Variants in MARCHF11 observed in about 807,000 individuals in gnomAD.
MARCHF11 encodes the protein E3 ubiquitin-protein ligase MARCHF11.
Under a neutral mutation model 37.3 loss-of-function variants are expected in MARCHF11, and 29 were observed. The observed-to-expected ratio is 0.78, with a 90% CI of 0.58 to 1.06. MARCHF11 has a LOEUF of 1.06. MARCHF11 is among the 50% of genes least tolerant of loss of function. The pLI is 0.00. For missense variants in MARCHF11, 482 were observed against 533.4 expected, an observed-to-expected ratio of 0.90 and a Z score of 0.95; for synonymous variants, 233 against 228.0, an observed-to-expected ratio of 1.02 and a Z score of -0.20.
At chr5:16,099,250 A>G (rs1282786993) in intron 2 of MARCHF11, among the ~76,000 whole-genome samples, 2 of 152,210 alleles carry the variant, frequency 1.3e-5, no homozygotes, top group Non-Finnish European at 2.9e-5. Flanking sequence ...GGTTATGACA[A>G]CTATGAATCA....
intron 2 of MARCHF11, among the ~76,000 whole-genome samples, chr5:16,122,922 T>TGGAA (rs1560981290): frequency 6.6e-6 from 1 of 152,226 alleles, no homozygotes; most frequent in East Asian, 1.9e-4. Flanking sequence ...GGCTGGATTA[T>TGGAA]ACTATGTTAG....
At chr5:16,156,529 T>C (rs1737979727) in intron 2 of MARCHF11, among the ~76,000 whole-genome samples, 1 of 151,928 alleles carries the variant, frequency 6.6e-6, no homozygotes, top group African/African-American at 2.4e-5. Flanking sequence ...AGTACAAGCA[T>C]GCAATTCAGG....
At chr5:16,125,543 GC>G (rs1328433196) in intron 2 of MARCHF11, among the ~76,000 whole-genome samples, 6 of 151,960 alleles carry the variant, frequency 3.9e-5, no homozygotes, top group African/African-American at 1.2e-4. Context: ...TGGACTTGGA[GC>G]TTTTAAAGGC....
chr5:16,122,733 T>C (rs62350168), intron 2 of MARCHF11, among the ~76,000 whole-genome samples: 33,395 of 152,004 alleles, frequency 0.22, 4,045 homozygotes, highest in African/African-American at 0.31. Context: ...ATTAAACCCC[T>C]GTGGTAGTAA....
intron 3 of MARCHF11, among the ~76,000 whole-genome samples, chr5:16,087,999 G>A (rs1736727246): frequency 6.6e-6 from 1 of 152,126 alleles, no homozygotes; most frequent in African/African-American, 2.4e-5. Context: ...TTCTACTTAG[G>A]TAGAACCAAG....
chr5:16,097,015 T>C (rs921583481), intron 2 of MARCHF11, among the ~76,000 whole-genome samples: 10 of 152,190 alleles, frequency 6.6e-5, no homozygotes, highest in African/African-American at 2.2e-4. Context: ...GAATGAATCA[T>C]TAGTTAATAG....
intron 2 of MARCHF11, among the ~76,000 whole-genome samples, chr5:16,119,052 C>T (rs763899463): frequency 7.9e-5 from 12 of 152,074 alleles, no homozygotes; most frequent in East Asian, 5.8e-4. Flanking sequence ...AATCCAATAG[C>T]GAGAGACACT....
At chr5:16,068,866 T>G (rs899372386) in intron 3 of MARCHF11, among the ~76,000 whole-genome samples, 10 of 152,172 alleles carry the variant, frequency 6.6e-5, no homozygotes, top group African/African-American at 2.2e-4. Context: ...TCAATGAATA[T>G]CCTTTGGTAG....
intron 2 of MARCHF11, among the ~76,000 whole-genome samples, chr5:16,103,571 A>G (rs990012360): frequency 6.6e-6 from 1 of 152,172 alleles, no homozygotes; most frequent in Non-Finnish European, 1.5e-5. Flanking sequence ...TTTTCCAAAG[A>G]TGGTTAAAAT....
At chr5:16,079,110 GATTCAGGGTCCA>G (rs1736565864) in intron 3 of MARCHF11, among the ~76,000 whole-genome samples, 1 of 152,150 alleles carries the variant, frequency 6.6e-6, no homozygotes. Context: ...AGACCCATGT[GATTCAGGGTCCA>G]TGTGGATGGC....
At chr5:16,112,635 G>A (rs1447694793) in intron 2 of MARCHF11, among the ~76,000 whole-genome samples, 1 of 152,152 alleles carries the variant, frequency 6.6e-6, no homozygotes, top group Non-Finnish European at 1.5e-5. Context: ...TTGATTTAAT[G>A]CTGAAATCAG....
At chr5:16,149,751 A>G (rs553483290) in intron 2 of MARCHF11, among the ~76,000 whole-genome samples, 1 of 152,176 alleles carries the variant, frequency 6.6e-6, no homozygotes, top group South Asian at 2.1e-4. Context: ...TATGAACAAC[A>G]TGCCCTGAGA....
In MARCHF11 at chr5:16,179,732, G is replaced by A; in HGVS notation, c.-157C>T. The A allele has an allele frequency of 2.6e-6, 1 of 387,038 alleles. No homozygotes were observed. Among genetic ancestry groups the A allele is most frequent in the African/African-American group, 2.2e-5 (1 of 45,694 alleles). The allele number at this position is 387,038 out of a possible 1,614,324, so 24.0% of individuals were successfully genotyped here. On this transcript the variant is annotated 5_prime_UTR_variant, in exon 1 of 4. Transcript: ENST00000332432. ...GGCGGGACGGGGAGGGGATGCGGAA[G>A]GTTCTGCAGCTGCGGCGGCGGCAGG...
At chr5:16,123,072 G>A (rs777757141) in intron 2 of MARCHF11, among the ~76,000 whole-genome samples, 6 of 152,188 alleles carry the variant, frequency 3.9e-5, no homozygotes, top group South Asian at 2.1e-4. Flanking sequence ...CTCCTCCAGC[G>A]CAAGTCCATT....
intron 2 of MARCHF11, among the ~76,000 whole-genome samples, chr5:16,174,614 C>G (rs171058): frequency 6.6e-6 from 1 of 152,246 alleles, no homozygotes; most frequent in African/African-American, 2.4e-5. Context: ...AAATACAACA[C>G]GGTAATACTT....
At chr5:16,085,010 G>A (rs1736672298) in intron 3 of MARCHF11, among the ~76,000 whole-genome samples, 1 of 152,046 alleles carries the variant, frequency 6.6e-6, no homozygotes, top group African/African-American at 2.4e-5. Flanking sequence ...GTGTGTGTGT[G>A]TGCGCCTATA....
rs186645450 is a variant in MARCHF11 at position 16,110,109 on chromosome 5, C to T, written c.694-19028G>A. Among the ~76,000 whole-genome samples, 12 of 152,338 alleles carry T rather than the reference C, an allele frequency of 7.9e-5. No homozygotes were observed. The South Asian group carries it at 2.3e-3, about 29-fold the overall frequency. ...AAGTGGGCAACTATCGTAACTGCCA[C>T]ATTTTTGTCCAGGCCCATTAGTGTA... On this transcript the variant is annotated intron_variant, in intron 2 of 3. Transcript: ENST00000332432.
At chr5:16,121,959 G>A (rs907690030) in intron 2 of MARCHF11, among the ~76,000 whole-genome samples, 1 of 152,146 alleles carries the variant, frequency 6.6e-6, no homozygotes, top group Non-Finnish European at 1.5e-5. Flanking sequence ...GCTCATTGGT[G>A]CTATTATGAT....
intron 2 of MARCHF11, among the ~76,000 whole-genome samples, chr5:16,145,208 A>G (rs1737778911): frequency 6.6e-6 from 1 of 152,190 alleles, no homozygotes; most frequent in Non-Finnish European, 1.5e-5. Context: ...CTTGGCCAAG[A>G]TGCTATGGTT....
Sources: gnomAD v4.1 joint callset for allele counts (sites outside exome capture counted in the v4.1 genomes callset) on GRCh38, gnomAD v4.1.1 for gene constraint, MANE v1.5 for transcripts, NCBI Gene and HGNC (gene_info 2026-07-23, HGNC 2026-07-21) for gene names.